The following GSDMA variants were observed in gnomAD, a reference collection of about 807,000 sequenced individuals.
The protein encoded by GSDMA is gasdermin-A.
Under a neutral mutation model 54.3 loss-of-function variants are expected in GSDMA, and 55 were observed. That is an observed-to-expected ratio of 1.01 (90% CI 0.82 to 1.27). GSDMA has a LOEUF of 1.27. Among genes scored for constraint, GSDMA ranks in the 50% most tolerant of loss-of-function variants. The pLI is 0.00. For missense variants in GSDMA, 542 were observed against 542.6 expected (o/e 1.00, Z 0.01); for synonymous variants, 211 against 224.7 (o/e 0.94, Z 0.54).
chr17:39,964,917 G>A (rs939111843), intron 1 of GSDMA, among the ~76,000 whole-genome samples: 1 of 152,048 alleles, frequency 6.6e-6, no homozygotes. Flanking sequence ...ACTTGAGCCA[G>A]GAGTTTGAGA....
At chr17:39,967,055 G>A (rs1979702082) in intron 3 of GSDMA, among the ~76,000 whole-genome samples, 2 of 152,172 alleles carry the variant, frequency 1.3e-5, no homozygotes, top group Admixed American at 1.3e-4. Context: ...GAAAGAAGGA[G>A]GTAAGGACTG....
intron 1 of GSDMA, 68 bp from the exon 2 acceptor site, chr17:39,965,615 C>A: frequency 8.5e-7 from 1 of 1,179,898 alleles, no homozygotes; most frequent in Non-Finnish European, 1.2e-6. Flanking sequence ...GGGGCCCAGC[C>A]TATATCCCGG....
chr17:39,968,133 A>G (rs1333799438), intron 3 of GSDMA, among the ~76,000 whole-genome samples: 1 of 152,060 alleles, frequency 6.6e-6, no homozygotes, highest in Non-Finnish European at 1.5e-5. Context: ...CTGGGATTAC[A>G]GGGAAGTAAT....
At chr17:39,967,785 G>A (rs1316893456) in intron 3 of GSDMA, among the ~76,000 whole-genome samples, 1 of 152,092 alleles carries the variant, frequency 6.6e-6, no homozygotes, top group Non-Finnish European at 1.5e-5. Flanking sequence ...CAATTCTCCT[G>A]CCTCAGCCTC....
intron 10 of GSDMA, 55 bp downstream of exon 10, chr17:39,975,069 C>A: frequency 1.1e-6 from 1 of 934,112 alleles, no homozygotes; most frequent in South Asian, 1.4e-5. Context: ...AGGAATGAAT[C>A]ACTTGAATCA....
At position 39,976,861 on chromosome 17, in the gene GSDMA, G is replaced by A. The variant is rs1405130971; in HGVS notation, c.1141G>A (p.Val381Ile). The A allele has an allele frequency of 2.5e-6, 4 of 1,613,994 alleles. No homozygotes were observed. Among genetic ancestry groups the A allele is most frequent in the Non-Finnish European group, 3.4e-6 (4 of 1,179,882 alleles). ...EQNFLLDKEG[V>I]FPLQPELLSS... is the part of the protein sequence containing the mutation. Reference sequence around the variant, plus strand: ...GAACTTCCTGCTGGATAAAGAGGGTGTTTTCCCCCTGCAACCTGAGCTGCT... The same window carrying A: ...GAACTTCCTGCTGGATAAAGAGGGTATTTTCCCCCTGCAACCTGAGCTGCT... The change falls in exon 12 of 12, where the codon GTT becomes ATT. Residue 381 changes from valine (V) to isoleucine (I), a missense_variant. Physicochemically the swap from Val to Ile is conservative, Grantham distance 29. Transcript: ENST00000301659.
intron 10 of GSDMA, among the ~76,000 whole-genome samples, chr17:39,975,436 G>A (rs1166445770): frequency 4.2e-5 from 5 of 120,080 alleles, no homozygotes; most frequent in African/African-American, 6.5e-5. Flanking sequence ...GCAACAGAGC[G>A]AGACTCCATC....
chr17:39,973,261 C>T (rs549809173), intron 7 of GSDMA, among the ~76,000 whole-genome samples: 33 of 143,188 alleles, frequency 2.3e-4, no homozygotes, highest in African/African-American at 6.9e-4. Flanking sequence ...GCGTGAGCCA[C>T]GGCGCCTGGC....
chr17:39,972,100 T>TCC, intron 5 of GSDMA, 29 bp from the exon 6 acceptor site: 3 of 835,096 alleles, frequency 3.6e-6, no homozygotes, highest in South Asian at 1.4e-5. Flanking sequence ...CTAAGTGTCC[T>TCC]CCCACCCTCC....
chr17:39,975,492 C>T (rs1980164139), intron 10 of GSDMA, among the ~76,000 whole-genome samples: 1 of 151,748 alleles, frequency 6.6e-6, no homozygotes. Flanking sequence ...TGCTTGGTCA[C>T]ATTGGGTAGT....
At chr17:39,972,959 T>C (rs1980021341) in intron 7 of GSDMA, among the ~76,000 whole-genome samples, 1 of 151,850 alleles carries the variant, frequency 6.6e-6, no homozygotes, top group African/African-American at 2.4e-5. Context: ...AGTGAGACAA[T>C]GTCTCTATTT....
At position 39,972,156 on chromosome 17, in the gene GSDMA, T is replaced by C. The variant is rs746301620; in HGVS notation, c.683T>C (p.Met228Thr). The C allele has an allele frequency of 3.0e-6, 4 of 1,314,354 alleles. No homozygotes were observed. Among genetic ancestry groups the C allele is most frequent in the East Asian group, 4.9e-5 (1 of 20,336 alleles). 81.4% of individuals were successfully genotyped at this position (1,314,354 alleles called of 1,614,324 possible). A position where few individuals can be genotyped will look rare whatever the true frequency, so the allele number is the denominator to read the frequency against. Residue 228 changes from methionine (M) to threonine (T), a missense_variant, in exon 6 of 12, where the codon ATG (methionine) becomes ACG (threonine). Transcript: ENST00000301659. ...WDIPHICNDN[M>T]QTFPPGEKSG... ...ATTCCACATATCTGCAATGATAACA[T>C]GCAAACCTTCCCTCCTGGAGGTAAG...
chr17:39,971,295 A>G (rs1979926063), intron 4 of GSDMA, among the ~76,000 whole-genome samples: 1 of 152,134 alleles, frequency 6.6e-6, no homozygotes, highest in South Asian at 2.1e-4. Flanking sequence ...TGACCTGACT[A>G]GACTCTACTG....
intron 4 of GSDMA, 94 bp downstream of exon 4, chr17:39,970,741 A>T: frequency 8.2e-7 from 1 of 1,212,792 alleles, no homozygotes. Context: ...TGGAGGCTTC[A>T]TTAGCTTTGC....
intron 7 of GSDMA, among the ~76,000 whole-genome samples, chr17:39,973,121 G>A (rs1356264470): frequency 3.3e-5 from 5 of 151,988 alleles, no homozygotes; most frequent in South Asian, 2.1e-4. Flanking sequence ...ACAGGCACCC[G>A]CCACCATGCC....
chr17:39,974,466 C>A, intron 9 of GSDMA, 39 bp downstream of exon 9: 4 of 1,491,186 alleles, frequency 2.7e-6, no homozygotes, highest in Non-Finnish European at 2.7e-6. Flanking sequence ...TGGGAGAAGG[C>A]ATGTTTTGGT....
At chr17:39,975,172 G>A (rs938984041) in intron 10 of GSDMA, among the ~76,000 whole-genome samples, 158 bp downstream of exon 10, 3 of 152,146 alleles carry the variant, frequency 2.0e-5, no homozygotes. Flanking sequence ...TTCATGGCTG[G>A]CTGCAGTGGC....
At chr17:39,972,674 T>C in intron 7 of GSDMA, 61 bp downstream of exon 7, 1 of 1,424,846 alleles carries the variant, frequency 7.0e-7, no homozygotes, top group Non-Finnish European at 9.8e-7. Flanking sequence ...AACTCCAGTC[T>C]TTTTCTTTCC....
rs765431568 is a variant in GSDMA, at chr17:39,974,432, G to C, written c.906+5G>C. The C allele has an allele frequency of 6.4e-7, 1 of 1,568,382 alleles. No homozygotes were observed. On this transcript the variant is annotated splice_donor_5th_base_variant and intron_variant, in intron 9 of 11. Transcript: ENST00000301659. Reference sequence around the variant, plus strand: ...CTACAAGACCTTGAGCTCGCAGTGAGGACCTAGTGGAAGTGGGGAAGGGTG... The same window carrying C: ...CTACAAGACCTTGAGCTCGCAGTGACGACCTAGTGGAAGTGGGGAAGGGTG...
Sources: gnomAD v4.1 joint callset for allele counts (sites outside exome capture counted in the v4.1 genomes callset) on GRCh38, gnomAD v4.1.1 for gene constraint, MANE v1.5 for transcripts, NCBI Gene and HGNC (gene_info 2026-07-23, HGNC 2026-07-21) for gene names.